Variants in ZNF362 observed in about 807,000 individuals in gnomAD.
ZNF362 encodes the protein zinc finger protein 362.
A neutral mutation model predicts 42.9 loss-of-function variants in ZNF362; 11 were observed. That is an observed-to-expected ratio of 0.26 (90% CI 0.16 to 0.42). ZNF362 has a LOEUF of 0.42. Ranked by LOEUF, ZNF362 falls within the 20% of genes least tolerant of loss-of-function variation. ZNF362 has a pLI of 1.00. For synonymous variants in ZNF362, 255 were observed against 257.3 expected (o/e 0.99, Z 0.09); for missense variants, 362 against 576.2 (o/e 0.63, Z 3.81).
chr1:33,235,787 G>A, the ZNF362 span, among the ~76,000 whole-genome samples: 8 of 152,180 alleles, frequency 5.3e-5, no homozygotes, highest in Non-Finnish European at 7.3e-5. Context: ...GACAGGCCAG[G>A]GTGGGCATAG....
the ZNF362 span, among the ~76,000 whole-genome samples, chr1:33,177,065 ATG>A: frequency 1.6e-5 from 1 of 64,018 alleles, no homozygotes; most frequent in Non-Finnish European, 3.6e-5. This position sits in a 1 kb window ranked among gnomAD's most constrained non-coding sequence, Gnocchi z 4.1. Context: ...ACACACACAC[ATG>A]CACACACACA....
chr1:33,147,278 C>T, the ZNF362 span: 46 of 1,614,010 alleles, frequency 2.9e-5, no homozygotes, highest in Middle Eastern at 1.6e-4. The surrounding 1 kb of genome is among the most constrained non-coding windows in gnomAD (Gnocchi z 8.1). Context: ...GGGAACTTCT[C>T]GCGGAAGGTG....
Position 33,280,216 on chromosome 1 carries a change from CCCACCA to C in ZNF362, c.449_454del (p.Thr150_Thr151del). 3 of 1,613,930 alleles carry C rather than the reference CCCACCA, an allele frequency of 1.9e-6. No homozygotes were observed. The highest frequency in any genetic ancestry group is 2.5e-6 in the Non-Finnish European group (3 of 1,179,880). On this transcript the variant is annotated inframe_deletion, in exon 5 of 9. Transcript: ENST00000539719. The surrounding 1 kb of genome is among the most constrained non-coding windows in gnomAD (Gnocchi z 5.6). ...CACGGGTACCAGCACCCCGTCCACA[CCCACCA>C]CCACCAGCCAGAGCCGCCTCATCGC...
chr1:33,294,896 G>A lies in ZNF362; in HGVS notation c.909-41G>A, dbSNP rs772070132. On this transcript the variant is annotated intron_variant, in intron 6 of 8. Coordinates refer to ENST00000539719, the MANE Select transcript of ZNF362 (RefSeq NM_152493.3). This position sits in a 1 kb window ranked among gnomAD's most constrained non-coding sequence, Gnocchi z 4.2. ...TTGGGAACTGGAGCGGTCTTGGGGT[G>A]TGTGTCAGGGACTTCGACCTTACTG... is the stretch of plus-strand genomic sequence containing the variant. 1.2e-6 allele frequency: 2 copies of A among 1,610,766 alleles called. No homozygotes were observed. Among genetic ancestry groups the A allele is most frequent in the South Asian group, 1.1e-5 (1 of 90,972 alleles).
chr1:33,275,375 C>T (rs535279699), intron 2 of ZNF362: 16 of 985,516 alleles, frequency 1.6e-5, no homozygotes, highest in Middle Eastern at 5.2e-4. Context: ...ACCAAAGAGC[C>T]GCAGACTGCC....
chr1:33,274,878 CCTA>C, intron 2 of ZNF362: 1 of 885,892 alleles, frequency 1.1e-6, no homozygotes, highest in Admixed American at 6.2e-5. Flanking sequence ...ACCTCTTGTG[CCTA>C]CTTTCAAGTA....
the ZNF362 span, among the ~76,000 whole-genome samples, chr1:33,236,883 C>T: frequency 1.3e-5 from 2 of 151,826 alleles, no homozygotes; most frequent in Admixed American, 1.3e-4. Context: ...CCAGCCTGGT[C>T]AACATGATGA....
the ZNF362 span, among the ~76,000 whole-genome samples, chr1:33,160,253 G>A: frequency 2.0e-5 from 3 of 152,120 alleles, no homozygotes; most frequent in African/African-American, 7.2e-5. Context: ...TGCTGTGTTG[G>A]CTAGAGGGGT....
the ZNF362 span, among the ~76,000 whole-genome samples, chr1:33,189,843 T>C: frequency 2.6e-5 from 4 of 151,556 alleles, no homozygotes; most frequent in South Asian, 8.4e-4. Flanking sequence ...CTGAGTTTAC[T>C]AATCCCAATT....
chr1:33,296,000 T>C (rs1366043161), intron 8 of ZNF362, among the ~76,000 whole-genome samples: 2 of 152,186 alleles, frequency 1.3e-5, no homozygotes, highest in Non-Finnish European at 1.5e-5. Flanking sequence ...CACTCAGTCT[T>C]TACTAAACAC....
the ZNF362 span, among the ~76,000 whole-genome samples, chr1:33,144,496 A>G: frequency 6.6e-6 from 1 of 152,112 alleles, no homozygotes; most frequent in Admixed American, 6.6e-5. Context: ...AACCTCCACC[A>G]CCTGTATATA....
At chr1:33,162,624 G>T in the ZNF362 span, among the ~76,000 whole-genome samples, 1 of 152,212 alleles carries the variant, frequency 6.6e-6, no homozygotes, top group African/African-American at 2.4e-5. Flanking sequence ...CGTAGAGCTG[G>T]GTGCAGGCTC....
At chr1:33,252,303 G>A (rs150314752), upstream of ZNF362, among the ~76,000 whole-genome samples, 583 of 152,304 alleles carry the variant, frequency 3.8e-3, 1 homozygote, top group Non-Finnish European at 5.8e-3. Flanking sequence ...GGTGAGCCGA[G>A]ATTGCATCAT....
chr1:33,286,848 A>G (rs888193117), intron 6 of ZNF362, among the ~76,000 whole-genome samples: 21 of 152,140 alleles, frequency 1.4e-4, no homozygotes, highest in African/African-American at 3.1e-4. Context: ...CATCTTCCCA[A>G]TGTTACAGCC....
chr1:33,262,735 A>G (rs977174687), intron 1 of ZNF362, among the ~76,000 whole-genome samples: 1 of 152,018 alleles, frequency 6.6e-6, no homozygotes, highest in Non-Finnish European at 1.5e-5. Flanking sequence ...TATTCACACT[A>G]TTACCTTTTC....
chr1:33,171,512 T>C, the ZNF362 span, among the ~76,000 whole-genome samples: 1 of 152,300 alleles, frequency 6.6e-6, no homozygotes, highest in Non-Finnish European at 1.5e-5. Flanking sequence ...TTGGCCTCCC[T>C]ACCTCCCATG....
chr1:33,207,126 G>A, the ZNF362 span, among the ~76,000 whole-genome samples: 4 of 150,362 alleles, frequency 2.7e-5, no homozygotes, highest in Non-Finnish European at 5.9e-5. Flanking sequence ...ACAGGCCCCG[G>A]TGTGTGATGC....
chr1:33,161,980 T>C, the ZNF362 span, among the ~76,000 whole-genome samples: 4 of 152,144 alleles, frequency 2.6e-5, no homozygotes, highest in African/African-American at 9.7e-5. This position sits in a 1 kb window ranked among gnomAD's most constrained non-coding sequence, Gnocchi z 4.3. Flanking sequence ...CCCAAGTCCA[T>C]ATAGATGGCC....
the ZNF362 span, among the ~76,000 whole-genome samples, chr1:33,250,853 G>GAAGAAGAAGAAGA: frequency 2.0e-3 from 3 of 1,518 alleles, 1 homozygote; most frequent in South Asian, 0.094. Context: ...AAGAAAGAAG[G>GAAGAAGAAGAAGA]AAGAAGAAGA....
Sources: allele counts gnomAD v4.1 joint callset (sites outside exome capture counted in the v4.1 genomes callset), GRCh38; gene constraint gnomAD v4.1.1; non-coding constraint Gnocchi (gnomAD v3.1); transcripts MANE v1.5; gene names NCBI Gene and HGNC (gene_info 2026-07-23, HGNC 2026-07-21).